PAK1: variants seen among roughly 807,000 people sequenced by gnomAD.
The protein encoded by PAK1 is serine/threonine-protein kinase PAK 1.
PAK1 carries 29 observed loss-of-function variants against 67.4 expected under a neutral mutation model. That is an observed-to-expected ratio of 0.43 (90% confidence interval 0.32 to 0.59). The LOEUF (loss-of-function observed/expected upper bound fraction) is 0.59, where lower values mean the gene tolerates loss of function less well. PAK1 is among the 20% of genes least tolerant of loss of function. PAK1 has a pLI of 0.07. For missense variants in PAK1, 337 were observed against 670.7 expected, an observed-to-expected ratio of 0.50 and a Z score of 5.50; for synonymous variants, 223 against 237.4, an observed-to-expected ratio of 0.94 and a Z score of 0.56.
At chr11:77,387,092 T>G (rs1312084401) in intron 2 of PAK1, among the ~76,000 whole-genome samples, 3 of 134,242 alleles carry the variant, frequency 2.2e-5, no homozygotes, top group African/African-American at 9.0e-5. Flanking sequence ...TTTTTTTTTG[T>G]AATGGAGTTT....
chr11:77,493,719 A>G, the PAK1 span, among the ~76,000 whole-genome samples: 3 of 152,088 alleles, frequency 2.0e-5, no homozygotes, highest in African/African-American at 7.2e-5. Flanking sequence ...GTATCATTCC[A>G]TTTAACCTCC....
At chr11:77,340,876 G>A in intron 10 of PAK1, 113 bp from the exon 11 acceptor site, 2 of 712,480 alleles carry the variant, frequency 2.8e-6, no homozygotes, top group Non-Finnish European at 2.6e-6. Flanking sequence ...TTAGCACAAA[G>A]TAAAGTAAAA....
At chr11:77,453,357 G>GA (rs562043778) in intron 1 of PAK1, among the ~76,000 whole-genome samples, 55 of 148,362 alleles carry the variant, frequency 3.7e-4, no homozygotes, top group Non-Finnish European at 6.3e-4. Context: ...TCAGTCTCAG[G>GA]AAAAAAAAAA....
chr11:77,356,693 A>G (rs1946083087), intron 6 of PAK1, among the ~76,000 whole-genome samples: 1 of 152,172 alleles, frequency 6.6e-6, no homozygotes, highest in Non-Finnish European at 1.5e-5. Context: ...AAAAATATTA[A>G]ATGTCCTATT....
At position 77,337,389 on chromosome 11, in the gene PAK1, T is replaced by A; in HGVS notation, c.1151A>T (p.Gln384Leu). The A allele has an allele frequency of 6.2e-7, 1 of 1,611,798 alleles. No homozygotes were observed. The highest frequency in any genetic ancestry group is 8.5e-7 in the Non-Finnish European group (1 of 1,178,074). Residue 384 changes from glutamine (Q) to leucine (L), a missense_variant, in exon 12 of 15, where the codon CAG becomes CTG. Around this residue, in one of 8 missense-constraint regions of PAK1, gnomAD observed 25 missense variants for 47.6 expected, o/e 0.53. Coordinates refer to ENST00000356341, the MANE Select transcript of PAK1 (RefSeq NM_002576.5). ...LQALEFLHSN[Q>L]VIHRDIKSDN... is the part of the protein sequence containing the mutation. The stretch of plus-strand genomic sequence containing the variant: ...ACTCTTGATGTCTCTGTGAATGACC[T>A]GGTTCGAATGCAAGAACTCCAGAGC...
At chr11:77,346,271 CAG>C (rs1266890443) in intron 9 of PAK1, among the ~76,000 whole-genome samples, 1 of 152,164 alleles carries the variant, frequency 6.6e-6, no homozygotes, top group African/African-American at 2.4e-5. Flanking sequence ...CGCGCCTGGC[CAG>C]GAGTCCTTTT....
At chr11:77,493,404 G>A in the PAK1 span, among the ~76,000 whole-genome samples, 32 of 144,976 alleles carry the variant, frequency 2.2e-4, no homozygotes, top group Admixed American at 9.0e-4. Flanking sequence ...TCAGCCTCCC[G>A]AGTAGCTGGG....
At chr11:77,443,573 T>C (rs1956459802) in intron 1 of PAK1, among the ~76,000 whole-genome samples, 2 of 152,180 alleles carry the variant, frequency 1.3e-5, no homozygotes, top group Non-Finnish European at 1.5e-5. Flanking sequence ...TTATTTCCCA[T>C]GTAATACTCC....
chr11:77,476,110 T>C (rs1958059058), upstream of PAK1: 1 of 152,076 alleles, frequency 6.6e-6, no homozygotes, highest in South Asian at 2.1e-4. Flanking sequence ...GCGGTGGTTG[T>C]AGGAAGCTGT....
At chr11:77,428,778 G>A (rs1019530604) in intron 1 of PAK1, among the ~76,000 whole-genome samples, 1 of 151,740 alleles carries the variant, frequency 6.6e-6, no homozygotes, top group Non-Finnish European at 1.5e-5. Flanking sequence ...AGTATAGCAA[G>A]GAAGGCATCC....
intron 13 of PAK1, among the ~76,000 whole-genome samples, chr11:77,333,683 T>C (rs956333447): frequency 6.6e-5 from 10 of 152,206 alleles, no homozygotes; most frequent in African/African-American, 2.2e-4. Flanking sequence ...CCTAGTCCCC[T>C]AAATGAAGCG....
the PAK1 span, among the ~76,000 whole-genome samples, chr11:77,495,449 G>A: frequency 6.6e-6 from 1 of 152,014 alleles, no homozygotes; most frequent in African/African-American, 2.4e-5. Flanking sequence ...ACTCCAGCCT[G>A]GGCAACAAAA....
At chr11:77,502,814 A>C in the PAK1 span, among the ~76,000 whole-genome samples, 2 of 152,190 alleles carry the variant, frequency 1.3e-5, no homozygotes, top group Non-Finnish European at 2.9e-5. Flanking sequence ...TAAGGACTGT[A>C]TGAAAAGAAT....
chr11:77,331,408 G>A (rs1255523735), intron 14 of PAK1, among the ~76,000 whole-genome samples: 1 of 152,160 alleles, frequency 6.6e-6, no homozygotes, highest in Non-Finnish European at 1.5e-5. Context: ...ACGATAGACT[G>A]GATTAAGAAA....
intron 1 of PAK1, among the ~76,000 whole-genome samples, chr11:77,455,167 G>A (rs901249066): frequency 2.6e-5 from 4 of 152,066 alleles, no homozygotes; most frequent in Admixed American, 6.6e-5. Flanking sequence ...TCTGTTTACC[G>A]AATTCCAAAT....
At chr11:77,364,526 T>A (rs1947243166) in intron 5 of PAK1, among the ~76,000 whole-genome samples, 1 of 152,154 alleles carries the variant, frequency 6.6e-6, no homozygotes, top group Non-Finnish European at 1.5e-5. Flanking sequence ...CACAGATTTA[T>A]CCCTAGTAAG....
At chr11:77,409,455 T>G (rs961545382) in intron 1 of PAK1, among the ~76,000 whole-genome samples, 10 of 152,182 alleles carry the variant, frequency 6.6e-5, no homozygotes, top group African/African-American at 2.4e-4. Flanking sequence ...TGAGTATATA[T>G]CTAAAAGAAA....
At chr11:77,490,999 C>T in the PAK1 span, among the ~76,000 whole-genome samples, 4 of 151,964 alleles carry the variant, frequency 2.6e-5, no homozygotes, top group Non-Finnish European at 5.9e-5. Flanking sequence ...TGCGGAAGGC[C>T]GAAGGGTCCT....
At chr11:77,508,904 C>T in the PAK1 span, among the ~76,000 whole-genome samples, 93 of 148,396 alleles carry the variant, frequency 6.3e-4, no homozygotes, top group African/African-American at 2.2e-3. Flanking sequence ...TAGTGATCCG[C>T]CCGCCTCGGC....
Sources: allele counts gnomAD v4.1 joint callset (sites outside exome capture counted in the v4.1 genomes callset), GRCh38; gene constraint gnomAD v4.1.1; regional missense constraint gnomAD v4.1.1; transcripts MANE v1.5; gene names NCBI Gene and HGNC (gene_info 2026-07-23, HGNC 2026-07-21).